The following PAX7 variants were observed in gnomAD, a reference collection of about 807,000 sequenced individuals.
PAX7 encodes paired box protein Pax-7.
A neutral mutation model predicts 50.7 loss-of-function variants in PAX7; 18 were observed. That is an observed-to-expected ratio of 0.36 (90% CI 0.25 to 0.53). The LOEUF (loss-of-function observed/expected upper bound fraction) is 0.53. Ranked by LOEUF, PAX7 falls within the 20% of genes least tolerant of loss-of-function variation. The probability of loss-of-function intolerance (pLI) is 0.93; values close to 1 mark genes in which losing one functional copy is unlikely to be tolerated. For missense variants in PAX7, 644 were observed against 702.9 expected (o/e 0.92, Z 0.95); for synonymous variants, 310 against 290.4 (o/e 1.07, Z -0.69).
chr1:18,697,800 C>G (rs1478029599), intron 5 of PAX7, among the ~76,000 whole-genome samples: 1 of 152,170 alleles, frequency 6.6e-6, no homozygotes, highest in East Asian at 1.9e-4. Context: ...CTTACCCAAC[C>G]TTGCATGTCA....
intron 5 of PAX7, among the ~76,000 whole-genome samples, chr1:18,693,040 A>T (rs1447789724): frequency 6.6e-6 from 1 of 151,954 alleles, no homozygotes; most frequent in East Asian, 1.9e-4. Flanking sequence ...CTGAGGCTGG[A>T]GGGTTGGGGA....
intron 4 of PAX7, among the ~76,000 whole-genome samples, chr1:18,637,763 G>A (rs1284159877): frequency 6.6e-6 from 1 of 152,278 alleles, no homozygotes; most frequent in African/African-American, 2.4e-5. Flanking sequence ...GGCCTGGAGC[G>A]AAGGGAAGGG....
At chr1:18,655,753 T>C (rs556138032) in intron 4 of PAX7, among the ~76,000 whole-genome samples, 47 of 148,510 alleles carry the variant, frequency 3.2e-4, no homozygotes, top group Non-Finnish European at 5.9e-4. Flanking sequence ...CTAGAGCCAC[T>C]GGGGAGACTT....
rs1175782835 is a variant in PAX7 at position 18,746,138 on chromosome 1, G to A, written c.*1209G>A. Reference sequence around the variant, plus strand: ...GTTGTAGACTGGGCAGGGATGGTTTGCCCCACAGACAAGATGATCCCCCCT... The same window carrying A: ...GTTGTAGACTGGGCAGGGATGGTTTACCCCACAGACAAGATGATCCCCCCT... On this transcript the variant is annotated 3_prime_UTR_variant, in exon 9 of 9. Transcript: ENST00000420770. The A allele has an allele frequency of 2.2e-5, 5 of 231,820 alleles. No homozygotes were observed. In the East Asian group the frequency reaches 3.0e-4, roughly 14 times the overall value. 14.4% of individuals were successfully genotyped at this position (231,820 alleles called of 1,614,324 possible). A position where few individuals can be genotyped will look rare whatever the true frequency, so the allele number is the denominator to read the frequency against.
intron 4 of PAX7, among the ~76,000 whole-genome samples, chr1:18,655,314 G>T (rs1271865014): frequency 2.6e-5 from 4 of 152,206 alleles, no homozygotes; most frequent in Non-Finnish European, 2.9e-5. Context: ...CTCCGTAGAT[G>T]AAGCCACTTA....
intron 4 of PAX7, among the ~76,000 whole-genome samples, chr1:18,646,780 C>T (rs2088346940): frequency 6.6e-6 from 1 of 151,476 alleles, no homozygotes; most frequent in Admixed American, 6.6e-5. Flanking sequence ...TTTCCACCGA[C>T]GGCCGCGGGG....
intron 7 of PAX7, among the ~76,000 whole-genome samples, chr1:18,717,927 G>A (rs1233681952): frequency 6.6e-6 from 1 of 152,220 alleles, no homozygotes; most frequent in African/African-American, 2.4e-5. Context: ...CTCTTAGGGG[G>A]AGAAATACCG....
At chr1:18,657,554 A>C (rs1222865922) in intron 4 of PAX7, among the ~76,000 whole-genome samples, 2 of 151,726 alleles carry the variant, frequency 1.3e-5, no homozygotes, top group African/African-American at 4.8e-5. Flanking sequence ...CTTAGCCCGC[A>C]CTCTCTGAGC....
chr1:18,640,847 TG>T (rs1387834585), intron 4 of PAX7, among the ~76,000 whole-genome samples: 1 of 5,680 alleles, frequency 1.8e-4, no homozygotes, highest in Non-Finnish European at 3.4e-4. Context: ...GGCCGGGGGC[TG>T]GGGGGGATGG....
intron 8 of PAX7, among the ~76,000 whole-genome samples, chr1:18,739,373 G>A (rs374292147): frequency 2.0e-5 from 3 of 152,226 alleles, no homozygotes; most frequent in South Asian, 4.1e-4. Context: ...CGCAGAGAGA[G>A]GGGTTTATAT....
intron 3 of PAX7, among the ~76,000 whole-genome samples, chr1:18,635,493 A>AGAAGGAAGGAAGGAAGGTAG (rs371442144): frequency 1.5e-5 from 1 of 68,792 alleles, no homozygotes; most frequent in South Asian, 3.3e-4. Flanking sequence ...AAAGGGAGGA[A>AGAAGGAAGGAAGGAAGGTAG]GAAGGAAGGA....
intron 1 of PAX7, among the ~76,000 whole-genome samples, chr1:18,633,278 C>T (rs1355039772): frequency 1.3e-5 from 2 of 152,202 alleles, no homozygotes; most frequent in African/African-American, 2.4e-5. Context: ...TTCTAATCTT[C>T]CAGATCTCCG....
At chr1:18,669,734 C>G (rs957518725) in intron 4 of PAX7, among the ~76,000 whole-genome samples, 3 of 152,164 alleles carry the variant, frequency 2.0e-5, no homozygotes, top group Non-Finnish European at 2.9e-5. Context: ...GAGACGTGGA[C>G]AGTAGCTTGG....
At chr1:18,715,471 C>T (rs889533019) in intron 7 of PAX7, among the ~76,000 whole-genome samples, 1 of 152,148 alleles carries the variant, frequency 6.6e-6, no homozygotes, top group African/African-American at 2.4e-5. Flanking sequence ...TATAACATCC[C>T]CTTGGAGGAA....
At chr1:18,685,301 G>T (rs1253354310) in intron 4 of PAX7, among the ~76,000 whole-genome samples, 1 of 152,210 alleles carries the variant, frequency 6.6e-6, no homozygotes, top group Admixed American at 6.5e-5. Context: ...TTCGGGGGGT[G>T]ACTGCTGCAG....
intron 4 of PAX7, among the ~76,000 whole-genome samples, chr1:18,638,929 A>C (rs1261114927): frequency 6.6e-6 from 1 of 152,220 alleles, no homozygotes; most frequent in East Asian, 1.9e-4. Flanking sequence ...GGAGAGGCAG[A>C]GATGCCCCAT....
intron 5 of PAX7, among the ~76,000 whole-genome samples, chr1:18,699,483 T>G (rs2089188444): frequency 6.6e-6 from 1 of 151,898 alleles, no homozygotes; most frequent in Non-Finnish European, 1.5e-5. Flanking sequence ...AGCCCCAGTG[T>G]GCACCCTCAT....
At chr1:18,713,116 T>C (rs972808147) in intron 7 of PAX7, among the ~76,000 whole-genome samples, 20 of 152,054 alleles carry the variant, frequency 1.3e-4, no homozygotes, top group African/African-American at 4.8e-4. Flanking sequence ...CTGGGCCTCT[T>C]TTATGCCCAC....
intron 4 of PAX7, among the ~76,000 whole-genome samples, chr1:18,638,902 C>T: frequency 6.6e-6 from 1 of 152,208 alleles, no homozygotes; most frequent in South Asian, 2.1e-4. Context: ...CAATCTCCAT[C>T]CGAGTAATCC....
Sources: allele counts gnomAD v4.1 joint callset (sites outside exome capture counted in the v4.1 genomes callset), GRCh38; gene constraint gnomAD v4.1.1; transcripts MANE v1.5; gene names NCBI Gene and HGNC (gene_info 2026-07-23, HGNC 2026-07-21).